The following XKR4 variants were observed in gnomAD, a reference collection of about 807,000 sequenced individuals.
XKR4 encodes XK-related protein 4.
A neutral mutation model predicts 53.9 loss-of-function variants in XKR4; 12 were observed. The ratio of observed to expected loss-of-function variants is 0.22; its 90% CI spans 0.14 to 0.36. The LOEUF is 0.36. Ranked by LOEUF, XKR4 falls within the 10% of genes least tolerant of loss-of-function variation. The probability of loss-of-function intolerance (pLI) is 1.00; values close to 1 mark genes in which losing one functional copy is unlikely to be tolerated. For synonymous variants in XKR4, 354 were observed against 362.4 expected, an observed-to-expected ratio of 0.98 and a Z score of 0.26; for missense variants, 799 against 859.5, an observed-to-expected ratio of 0.93 and a Z score of 0.88.
At chr8:55,326,805 A>T (rs1270725763) in intron 1 of XKR4, among the ~76,000 whole-genome samples, 1 of 151,736 alleles carries the variant, frequency 6.6e-6, no homozygotes, top group Admixed American at 6.6e-5. Flanking sequence ...AGTTAGGCGG[A>T]TTTGAGTTAT....
In XKR4 at chr8:55,524,476, A is replaced by C; in HGVS notation, c.*249A>C. 1 of 523,426 alleles carries C rather than the reference A, an allele frequency of 1.9e-6. No individual in the cohort carries two copies. Among genetic ancestry groups the C allele is most frequent in the South Asian group, 2.6e-5 (1 of 38,644 alleles). 32.4% of individuals were successfully genotyped at this position (523,426 alleles called of 1,614,324 possible). A position where few individuals can be genotyped will look rare whatever the true frequency, so the allele number is the denominator to read the frequency against. On this transcript the variant is annotated 3_prime_UTR_variant, in exon 3 of 3. Transcript: ENST00000327381. ...TAATAGGACTCTCCATTGCTACCAA[A>C]CTCCTCCTGCACGGTCTTGGGTGCA...
chr8:55,152,798 A>T (rs796381342), intron 1 of XKR4, among the ~76,000 whole-genome samples: 2 of 152,324 alleles, frequency 1.3e-5, no homozygotes, highest in African/African-American at 4.8e-5. Context: ...AACGTTTTGG[A>T]CTGAGATACT....
intron 1 of XKR4, among the ~76,000 whole-genome samples, chr8:55,233,206 A>T (rs930236957): frequency 6.6e-6 from 1 of 152,250 alleles, no homozygotes; most frequent in African/African-American, 2.4e-5. Context: ...GCCTGGCTTC[A>T]GAAAGGGAGG....
intron 2 of XKR4, among the ~76,000 whole-genome samples, chr8:55,396,399 G>GTTTGTTTTTT (rs1804518855): frequency 1.1e-5 from 1 of 88,750 alleles, no homozygotes; most frequent in African/African-American, 4.9e-5. Flanking sequence ...TTTTTGTTTG[G>GTTTGTTTTTT]TTTTTTTTTT....
At chr8:55,300,936 A>G (rs1047377590) in intron 1 of XKR4, among the ~76,000 whole-genome samples, 7 of 152,170 alleles carry the variant, frequency 4.6e-5, no homozygotes, top group Non-Finnish European at 1.5e-5. Context: ...AATAGTGATG[A>G]AATGAGGTCC....
chr8:55,295,787 A>G (rs1320680166), intron 1 of XKR4, among the ~76,000 whole-genome samples: 2 of 151,626 alleles, frequency 1.3e-5, no homozygotes, highest in Admixed American at 6.6e-5. Flanking sequence ...AATACTAATT[A>G]TCTGTCTACT....
At chr8:55,299,750 C>G (rs1050869363) in intron 1 of XKR4, among the ~76,000 whole-genome samples, 3 of 152,102 alleles carry the variant, frequency 2.0e-5, no homozygotes, top group African/African-American at 2.4e-5. Flanking sequence ...CGCTGAATGT[C>G]AGGTGCCTGA....
intron 2 of XKR4, among the ~76,000 whole-genome samples, chr8:55,510,318 G>A (rs2622544): frequency 0.67 from 102,126 of 151,986 alleles, 34,948 homozygotes; most frequent in East Asian, 0.86. Context: ...CCAGGCAGAA[G>A]GTGGACGAGA....
intron 2 of XKR4, among the ~76,000 whole-genome samples, chr8:55,430,978 C>T (rs968088777): frequency 6.6e-6 from 1 of 152,180 alleles, no homozygotes; most frequent in African/African-American, 2.4e-5. Context: ...CAATTCAGCC[C>T]CTAGCAGTTA....
chr8:55,218,185 A>T (rs1255904255), intron 1 of XKR4, among the ~76,000 whole-genome samples: 1 of 152,234 alleles, frequency 6.6e-6, no homozygotes, highest in Non-Finnish European at 1.5e-5. Flanking sequence ...ACGAATAATT[A>T]TCTGCACAAT....
At chr8:55,266,383 T>G (rs1818601127) in intron 1 of XKR4, among the ~76,000 whole-genome samples, 1 of 152,018 alleles carries the variant, frequency 6.6e-6, no homozygotes, top group South Asian at 2.1e-4. Context: ...GTGCATTGCA[T>G]GGCACCCCAT....
chr8:55,424,400 A>G (rs1804981314), intron 2 of XKR4, among the ~76,000 whole-genome samples: 1 of 152,214 alleles, frequency 6.6e-6, no homozygotes, highest in South Asian at 2.1e-4. Flanking sequence ...CAGTCTATTC[A>G]CGCAATGATT....
chr8:55,373,548 C>A (rs971691728), intron 2 of XKR4, among the ~76,000 whole-genome samples: 1 of 152,206 alleles, frequency 6.6e-6, no homozygotes, highest in South Asian at 2.1e-4. Flanking sequence ...AACTTCCCTA[C>A]ACTAGGGTTG....
intron 1 of XKR4, among the ~76,000 whole-genome samples, chr8:55,219,321 G>T (rs951944778): frequency 6.6e-6 from 1 of 152,192 alleles, no homozygotes; most frequent in African/African-American, 2.4e-5. Context: ...CACTCTGGAT[G>T]TTTGCAGTTC....
chr8:55,252,403 T>A (rs1818373727), intron 1 of XKR4, among the ~76,000 whole-genome samples: 1 of 152,166 alleles, frequency 6.6e-6, no homozygotes, highest in South Asian at 2.1e-4. Context: ...GCAAGGACTA[T>A]TTTTGTTTTA....
chr8:55,199,289 A>C (rs1396491488), intron 1 of XKR4, among the ~76,000 whole-genome samples: 1 of 152,278 alleles, frequency 6.6e-6, no homozygotes, highest in Admixed American at 6.5e-5. Context: ...CTAGATTGCT[A>C]AACTGCATAA....
At chr8:55,480,712 T>A (rs1484628062) in intron 2 of XKR4, among the ~76,000 whole-genome samples, 1 of 147,872 alleles carries the variant, frequency 6.8e-6, no homozygotes, top group Admixed American at 6.7e-5. Flanking sequence ...AGACTCAGGA[T>A]ACAAAATCAA....
intron 1 of XKR4, among the ~76,000 whole-genome samples, chr8:55,289,000 C>CTAT (rs1200019950): frequency 6.6e-6 from 1 of 152,062 alleles, no homozygotes; most frequent in African/African-American, 2.4e-5. Context: ...GCAGTTTGCT[C>CTAT]TATTATTGCC....
intron 1 of XKR4, among the ~76,000 whole-genome samples, chr8:55,286,682 A>G (rs1378367855): frequency 2.0e-5 from 3 of 152,224 alleles, no homozygotes; most frequent in Non-Finnish European, 4.4e-5. Context: ...GCCTTCAGCC[A>G]AAAGCTGCTG....
Sources: allele counts gnomAD v4.1 joint callset (sites outside exome capture counted in the v4.1 genomes callset), GRCh38; gene constraint gnomAD v4.1.1; transcripts MANE v1.5; gene names NCBI Gene and HGNC (gene_info 2026-07-23, HGNC 2026-07-21).